The following TMEM72 variants were observed in gnomAD, a reference collection of about 807,000 sequenced individuals.
TMEM72 encodes the protein transmembrane protein 72.
In TMEM72, 9 loss-of-function variants were observed where a neutral mutation model predicts 16.3. The observed-to-expected ratio is 0.55, with a 90% CI of 0.33 to 0.96. The LOEUF is 0.96. TMEM72 is among the 40% of genes least tolerant of loss of function. The pLI is 0.03. For synonymous variants in TMEM72, 160 were observed against 146.5 expected (o/e 1.09, Z -0.66); for missense variants, 324 against 337.8 (o/e 0.96, Z 0.32).
chr10:44,931,592 C>G (rs1351223349), intron 2 of TMEM72, among the ~76,000 whole-genome samples: 1 of 152,184 alleles, frequency 6.6e-6, no homozygotes, highest in Middle Eastern at 3.2e-3. Context: ...TAATCAACAG[C>G]TCCTGGTGAC....
At chr10:44,914,350 G>A (rs1043492417) in intron 1 of TMEM72, among the ~76,000 whole-genome samples, 3 of 152,200 alleles carry the variant, frequency 2.0e-5, no homozygotes, top group African/African-American at 4.8e-5. Context: ...TGGTTTCCAG[G>A]ACATAACAGA....
chr10:44,912,014 A>G (rs779608124), intron 1 of TMEM72, among the ~76,000 whole-genome samples: 2 of 152,226 alleles, frequency 1.3e-5, no homozygotes, highest in Non-Finnish European at 1.5e-5. Flanking sequence ...TACCTCATGG[A>G]GAGAGAACTC....
chr10:44,916,459 T>C (rs942040497), intron 1 of TMEM72, among the ~76,000 whole-genome samples: 8 of 152,184 alleles, frequency 5.3e-5, no homozygotes, highest in Non-Finnish European at 1.0e-4. Flanking sequence ...CATTATATTT[T>C]AAAGGATAGA....
chr10:44,935,019 G>A lies in TMEM72; in HGVS notation c.713G>A (p.Gly238Asp). 10 of 1,613,948 alleles carry A rather than the reference G, an allele frequency of 6.2e-6. No individual in the cohort carries two copies. Among genetic ancestry groups the A allele is most frequent in the Non-Finnish European group, 8.5e-6 (10 of 1,179,884 alleles). ...CGCATAGTCCCCTCCCTCGCCGAAG[G>A]TCTGGATGATGGGGACAGTGAGCCA... ...LVRIVPSLAEGLDDGDSEPEE... is the reference protein window; with the variant it reads ...LVRIVPSLAEDLDDGDSEPEE... The change falls in exon 5 of 5, where the codon GGT becomes GAT. Residue 238 changes from glycine to aspartate, a missense_variant. Coordinates refer to ENST00000389583, the MANE Select transcript of TMEM72 (RefSeq NM_001123376.3).
At chr10:44,913,494 A>G (rs1397157536) in intron 1 of TMEM72, among the ~76,000 whole-genome samples, 3 of 152,148 alleles carry the variant, frequency 2.0e-5, no homozygotes, top group African/African-American at 7.2e-5. Flanking sequence ...GTGCGCGCGC[A>G]CATAGGGCTC....
At chr10:44,920,488 T>C (rs1210236993) in intron 1 of TMEM72, among the ~76,000 whole-genome samples, 1 of 152,130 alleles carries the variant, frequency 6.6e-6, no homozygotes, top group East Asian at 1.9e-4. Flanking sequence ...ATACAAGAGA[T>C]GTGGAGATAG....
chr10:44,915,669 GGTCAGTTCTGATCA>G (rs1346249589), intron 1 of TMEM72, among the ~76,000 whole-genome samples: 4 of 152,112 alleles, frequency 2.6e-5, no homozygotes, highest in Non-Finnish European at 5.9e-5. Flanking sequence ...TCCTGCCCTT[GGTCAGTTCTGATCA>G]GTCAGGTGGG....
intron 4 of TMEM72, 100 bp from the exon 5 acceptor site, chr10:44,934,556 C>G (rs1002905625): frequency 2.3e-5 from 28 of 1,226,570 alleles, no homozygotes; most frequent in Non-Finnish European, 2.9e-5. Context: ...AATGGCCACA[C>G]AGCGCCGGGT....
At chr10:44,913,871 G>A (rs1447740938) in intron 1 of TMEM72, among the ~76,000 whole-genome samples, 6 of 152,200 alleles carry the variant, frequency 3.9e-5, no homozygotes, top group Admixed American at 6.5e-5. Flanking sequence ...AAATAAGACC[G>A]GAAATAGAGG....
At chr10:44,924,186 C>T (rs1377655617) in intron 1 of TMEM72, among the ~76,000 whole-genome samples, 18 of 152,208 alleles carry the variant, frequency 1.2e-4, no homozygotes, top group South Asian at 6.2e-4. Context: ...CCATTGCCCC[C>T]GACTGTGCCC....
intron 1 of TMEM72, among the ~76,000 whole-genome samples, chr10:44,913,392 A>G (rs1293836602): frequency 1.3e-5 from 2 of 152,164 alleles, no homozygotes; most frequent in Non-Finnish European, 2.9e-5. Context: ...AGACAGTTTA[A>G]CAGTCTGATT....
At chr10:44,934,403 T>A (rs1166406212) in intron 4 of TMEM72, among the ~76,000 whole-genome samples, 1 of 152,110 alleles carries the variant, frequency 6.6e-6, no homozygotes, top group African/African-American at 2.4e-5. Flanking sequence ...AAGACAGCCC[T>A]CCAGGGAGAC....
chr10:44,914,530 A>C (rs1839985939), intron 1 of TMEM72, among the ~76,000 whole-genome samples: 1 of 152,214 alleles, frequency 6.6e-6, no homozygotes, highest in African/African-American at 2.4e-5. Context: ...AAGCAGACAC[A>C]GCTGGGAAAT....
chr10:44,911,416 C>A lies in TMEM72; in HGVS notation c.-97C>A. 7.5e-7 allele frequency: 1 copy of A among 1,328,878 alleles called. No homozygotes were observed. The highest frequency in any genetic ancestry group is 1.0e-6 in the Non-Finnish European group (1 of 967,914). 82.3% of individuals were successfully genotyped at this position (1,328,878 alleles called of 1,614,324 possible). A position where few individuals can be genotyped will look rare whatever the true frequency, so the allele number is the denominator to read the frequency against. On this transcript the variant is annotated 5_prime_UTR_variant, in exon 1 of 5. Transcript: ENST00000389583. Reference sequence around the variant, plus strand: ...CAGGGCCCCGGTGTGCAGCCACAGCCAGCAGCCTCCTACCTACACAAGGGT... The same window carrying A: ...CAGGGCCCCGGTGTGCAGCCACAGCAAGCAGCCTCCTACCTACACAAGGGT...
chr10:44,924,644 G>A (rs1237110825), intron 1 of TMEM72, among the ~76,000 whole-genome samples: 4 of 152,226 alleles, frequency 2.6e-5, no homozygotes, highest in African/African-American at 9.6e-5. Context: ...TTTCAACCTG[G>A]CATGCTCTGC....
intron 1 of TMEM72, among the ~76,000 whole-genome samples, chr10:44,922,253 G>A (rs1021443803): frequency 6.6e-6 from 1 of 152,206 alleles, no homozygotes; most frequent in Admixed American, 6.5e-5. Flanking sequence ...GGGCCCACCT[G>A]TGCAGTCTCC....
chr10:44,931,588 A>G (rs982049074), intron 2 of TMEM72, among the ~76,000 whole-genome samples: 1 of 152,214 alleles, frequency 6.6e-6, no homozygotes, highest in Non-Finnish European at 1.5e-5. Context: ...AATGTAATCA[A>G]CAGCTCCTGG....
chr10:44,924,726 G>A (rs1840157840), intron 1 of TMEM72, among the ~76,000 whole-genome samples: 1 of 152,260 alleles, frequency 6.6e-6, no homozygotes, highest in East Asian at 1.9e-4. Context: ...GGATATCAAA[G>A]GGCTTTACAG....
chr10:44,917,305 G>A (rs1247784753), intron 1 of TMEM72, among the ~76,000 whole-genome samples: 1 of 152,168 alleles, frequency 6.6e-6, no homozygotes, highest in Non-Finnish European at 1.5e-5. Context: ...TTAGAGGAAC[G>A]TGCAGGGCAT....
Sources: gnomAD v4.1 joint callset for allele counts (sites outside exome capture counted in the v4.1 genomes callset) on GRCh38, gnomAD v4.1.1 for gene constraint, MANE v1.5 for transcripts, NCBI Gene and HGNC (gene_info 2026-07-23, HGNC 2026-07-21) for gene names.